The following SLIT3 variants were observed in gnomAD, a reference collection of about 807,000 sequenced individuals.
SLIT3 encodes the protein slit guidance ligand 3.
Under a neutral mutation model 184.0 loss-of-function variants are expected in SLIT3, and 68 were observed. The ratio of observed to expected loss-of-function variants is 0.37; its 90% CI spans 0.30 to 0.45. The LOEUF (loss-of-function observed/expected upper bound fraction) is 0.45, where lower values mean the gene tolerates loss of function less well. SLIT3 is among the 20% of genes least tolerant of loss of function. The pLI is 1.00. For missense variants in SLIT3, 1,707 were observed against 2,026.0 expected, an observed-to-expected ratio of 0.84 and a Z score of 3.02; for synonymous variants, 831 against 828.6, an observed-to-expected ratio of 1.00 and a Z score of -0.05.
intron 1 of SLIT3, among the ~76,000 whole-genome samples, chr5:169,279,286 C>G (rs1766917385): frequency 6.6e-6 from 1 of 152,204 alleles, no homozygotes. Flanking sequence ...TAGCAGACCC[C>G]TGCAGGTGTG....
At chr5:168,766,441 G>A (rs1755348331) in intron 14 of SLIT3, among the ~76,000 whole-genome samples, 1 of 152,244 alleles carries the variant, frequency 6.6e-6, no homozygotes, top group African/African-American at 2.4e-5. Context: ...TCATGGGCAA[G>A]GCTGGGGGAC....
intron 4 of SLIT3, among the ~76,000 whole-genome samples, chr5:168,988,078 G>A (rs917390095): frequency 6.6e-6 from 1 of 152,202 alleles, no homozygotes; most frequent in African/African-American, 2.4e-5. Flanking sequence ...ACCTCCCTAG[G>A]CTGGGCTTCG....
chr5:169,066,014 A>G (rs2055910), intron 4 of SLIT3, among the ~76,000 whole-genome samples: 86,711 of 152,030 alleles, frequency 0.57, 25,055 homozygotes, highest in South Asian at 0.7. Context: ...TGACAGATGA[A>G]GAAACTGAGC....
intron 4 of SLIT3, among the ~76,000 whole-genome samples, chr5:169,061,876 T>C (rs1409868883): frequency 1.3e-5 from 2 of 151,364 alleles, no homozygotes; most frequent in African/African-American, 4.9e-5. Context: ...CCCACCCCAC[T>C]CCCTACCCTC....
intron 6 of SLIT3, among the ~76,000 whole-genome samples, chr5:168,834,246 T>G (rs964260090): frequency 2.6e-5 from 4 of 152,106 alleles, no homozygotes; most frequent in Non-Finnish European, 4.4e-5. Context: ...TGGAAGTCAT[T>G]TGCAAGGCTG....
chr5:168,709,468 G>A (rs73322484), intron 25 of SLIT3, among the ~76,000 whole-genome samples: 2,955 of 152,264 alleles, frequency 0.019, 96 homozygotes, highest in African/African-American at 0.067. Context: ...AACCTAGAGG[G>A]TGGAGCCAGG....
chr5:169,000,632 G>A (rs550144534), intron 4 of SLIT3, among the ~76,000 whole-genome samples: 12 of 152,198 alleles, frequency 7.9e-5, no homozygotes, highest in African/African-American at 1.4e-4. Flanking sequence ...AGAGCATGAC[G>A]TTAATAATAT....
At chr5:168,907,965 T>TAGAGAGAGAG (rs1315715773) in intron 4 of SLIT3, among the ~76,000 whole-genome samples, 9 of 80,106 alleles carry the variant, frequency 1.1e-4, no homozygotes, top group Admixed American at 1.4e-4. Flanking sequence ...TATATATATA[T>TAGAGAGAGAG]ATATATATAT....
chr5:168,893,427 C>T (rs546222537), intron 4 of SLIT3, among the ~76,000 whole-genome samples: 1 of 152,250 alleles, frequency 6.6e-6, no homozygotes, highest in East Asian at 1.9e-4. Flanking sequence ...ATTGTCATAG[C>T]TAACACTGTC....
intron 5 of SLIT3, among the ~76,000 whole-genome samples, chr5:168,879,002 A>C (rs770253693): frequency 7.9e-5 from 12 of 152,334 alleles, no homozygotes; most frequent in Non-Finnish European, 1.8e-4. Flanking sequence ...GGCATGAGCC[A>C]CCACACCTGG....
At chr5:169,225,858 A>G (rs1033128630) in intron 3 of SLIT3, among the ~76,000 whole-genome samples, 1 of 152,210 alleles carries the variant, frequency 6.6e-6, no homozygotes, top group African/African-American at 2.4e-5. Context: ...AGCCAAGGGA[A>G]GCTGAGGAAG....
At chr5:168,834,505 A>G (rs964290800) in intron 6 of SLIT3, among the ~76,000 whole-genome samples, 5 of 151,696 alleles carry the variant, frequency 3.3e-5, no homozygotes, top group Non-Finnish European at 7.4e-5. Context: ...CGGGGGGTCC[A>G]ACATGGTGAA....
intron 4 of SLIT3, among the ~76,000 whole-genome samples, chr5:168,955,912 G>T (rs1762810574): frequency 1.3e-5 from 2 of 152,144 alleles, no homozygotes; most frequent in Admixed American, 1.3e-4. Context: ...GCTCAGGGAT[G>T]CCATGCCTGC....
intron 3 of SLIT3, among the ~76,000 whole-genome samples, chr5:169,217,021 G>A (rs1764457319): frequency 6.6e-6 from 1 of 151,816 alleles, no homozygotes; most frequent in Non-Finnish European, 1.5e-5. Context: ...ACCATCCGGG[G>A]AGACCTCAGG....
At position 168,749,524 on chromosome 5, in the gene SLIT3, G is replaced by C; in HGVS notation, c.2085C>G (p.Phe695Leu). The C allele has an allele frequency of 6.2e-7, 1 of 1,614,164 alleles. No homozygotes were observed. The highest frequency in any genetic ancestry group is 8.5e-7 in the Non-Finnish European group (1 of 1,180,006). ...CATCCTGGATGGGAATCTCCTTGAG[G>C]AAAAATGGCTTCTGGCACCTAGGGT... is the stretch of plus-strand genomic sequence containing the variant. ...SGNPRCQKPFFLKEIPIQDVA... is the reference protein window; with the variant it reads ...SGNPRCQKPFLLKEIPIQDVA... The change falls in exon 19 of 36, where the codon TTC becomes TTG. Residue 695 changes from phenylalanine (F) to leucine (L), a missense_variant. Physicochemically the swap from Phe to Leu is conservative, Grantham distance 22. Coordinates refer to ENST00000519560, the MANE Select transcript of SLIT3 (RefSeq NM_003062.4).
intron 4 of SLIT3, among the ~76,000 whole-genome samples, chr5:169,158,529 A>G (rs776189434): frequency 6.6e-6 from 1 of 152,216 alleles, no homozygotes; most frequent in Non-Finnish European, 1.5e-5. Flanking sequence ...CAGAAAAAGG[A>G]AGAACAATGG....
chr5:168,948,107 T>C, intron 4 of SLIT3, among the ~76,000 whole-genome samples: 1 of 152,114 alleles, frequency 6.6e-6, no homozygotes, highest in East Asian at 1.9e-4. Flanking sequence ...GTTTTTATTA[T>C]TATCCTGAAA....
At chr5:169,168,415 C>T (rs565275029) in intron 4 of SLIT3, among the ~76,000 whole-genome samples, 44 of 152,306 alleles carry the variant, frequency 2.9e-4, no homozygotes, top group Middle Eastern at 3.4e-3. Flanking sequence ...TTAAGTTCTC[C>T]CCTGCCTTGA....
intron 4 of SLIT3, among the ~76,000 whole-genome samples, chr5:168,954,192 C>G (rs1037103937): frequency 6.6e-6 from 1 of 152,088 alleles, no homozygotes; most frequent in Admixed American, 6.6e-5. Context: ...AGGTTACTTA[C>G]CCTCCTGAAC....
Sources: gnomAD v4.1 joint callset for allele counts (sites outside exome capture counted in the v4.1 genomes callset) on GRCh38, gnomAD v4.1.1 for gene constraint, MANE v1.5 for transcripts, NCBI Gene and HGNC (gene_info 2026-07-23, HGNC 2026-07-21) for gene names.